Variants in TNRC6A observed in about 807,000 individuals in gnomAD.
TNRC6A encodes the protein trinucleotide repeat-containing gene 6A protein.
A neutral mutation model predicts 221.2 loss-of-function variants in TNRC6A; 44 were observed. The observed-to-expected ratio is 0.20, with a 90% CI of 0.16 to 0.26. TNRC6A has a LOEUF of 0.26. Ranked by LOEUF, TNRC6A falls within the 10% of genes least tolerant of loss-of-function variation. The pLI, the probability that TNRC6A is intolerant of heterozygous loss-of-function variation, is 1.00. For missense variants in TNRC6A, 2,199 were observed against 2,404.4 expected (o/e 0.91, Z 1.79); for synonymous variants, 847 against 838.5 (o/e 1.01, Z -0.18).
At chr16:24,751,278 G>A (rs1049128802) in intron 3 of TNRC6A, among the ~76,000 whole-genome samples, 4 of 152,078 alleles carry the variant, frequency 2.6e-5, no homozygotes, top group Non-Finnish European at 5.9e-5. Context: ...TACAGAAATA[G>A]AGTATTAAAG....
intron 1 of TNRC6A, among the ~76,000 whole-genome samples, chr16:24,626,954 T>G (rs1289840366): frequency 5.2e-5 from 2 of 38,608 alleles, no homozygotes; most frequent in Non-Finnish European, 8.1e-5. Context: ...GCCCAGCCTG[T>G]TTTTTTTTTT....
rs2056565927 is a variant in TNRC6A, at chr16:24,729,684, T to TGTCGGCGGCGG, written c.-158_-157insGTCGGCGGCGG. The TGTCGGCGGCGG allele has an allele frequency of 1.7e-6, 1 of 603,100 alleles. No homozygotes were observed. Among genetic ancestry groups the TGTCGGCGGCGG allele is most frequent in the Non-Finnish European group, 2.4e-6 (1 of 421,930 alleles). 37.4% of individuals were successfully genotyped at this position (603,100 alleles called of 1,614,324 possible). A position where few individuals can be genotyped will look rare whatever the true frequency, so the allele number is the denominator to read the frequency against. Reference sequence around the variant, plus strand: ...TCTGGGGCCTGCGGCGGCGGCGGTGTCGGCGGCGGCGGCGGCGGCGGCGGC... The same window carrying TGTCGGCGGCGG: ...TCTGGGGCCTGCGGCGGCGGCGGTGTGTCGGCGGCGGCGGCGGCGGCGGCGGCGGCGGCGGC... On this transcript the variant is annotated 5_prime_UTR_variant, in exon 1 of 25. Transcript: ENST00000395799.
upstream of TNRC6A, among the ~76,000 whole-genome samples, chr16:24,724,851 C>A (rs2056466839): frequency 6.6e-6 from 1 of 152,004 alleles, no homozygotes; most frequent in South Asian, 2.1e-4. Flanking sequence ...TATGCATGAG[C>A]CTTGCCTAAA....
At chr16:24,650,274 C>T (rs1902563951) in intron 2 of TNRC6A, among the ~76,000 whole-genome samples, 1 of 152,090 alleles carries the variant, frequency 6.6e-6, no homozygotes, top group South Asian at 2.1e-4. Context: ...ATGTATTTTT[C>T]TTTAGTGAAC....
At chr16:24,695,097 T>G (rs553732887) in intron 2 of TNRC6A, among the ~76,000 whole-genome samples, 1 of 152,262 alleles carries the variant, frequency 6.6e-6, no homozygotes, top group African/African-American at 2.4e-5. Flanking sequence ...GGGAGTGTAC[T>G]GGGCCCTGTG....
At chr16:24,663,757 G>A in intron 2 of TNRC6A, 1 of 353,990 alleles carries the variant, frequency 2.8e-6, no homozygotes, top group Non-Finnish European at 5.6e-6. Flanking sequence ...GCTTTTCTTG[G>A]GGATCAGTTA....
At chr16:24,691,897 A>G (rs1316404234) in intron 2 of TNRC6A, among the ~76,000 whole-genome samples, 1 of 152,228 alleles carries the variant, frequency 6.6e-6, no homozygotes, top group Non-Finnish European at 1.5e-5. Flanking sequence ...GACAGCGGCA[A>G]TTAAAGGACC....
At chr16:24,773,072 A>G (rs1040477770) in intron 4 of TNRC6A, among the ~76,000 whole-genome samples, 15 of 152,146 alleles carry the variant, frequency 9.9e-5, no homozygotes, top group African/African-American at 2.4e-5. Flanking sequence ...GCCTTGGATT[A>G]TATAGATTTA....
chr16:24,695,454 C>T (rs2055838884), intron 2 of TNRC6A, among the ~76,000 whole-genome samples: 1 of 152,104 alleles, frequency 6.6e-6, no homozygotes, highest in Non-Finnish European at 1.5e-5. Flanking sequence ...GGCTGGAGTA[C>T]AGTGGCGCAA....
At position 24,688,871 on chromosome 16, in the gene TNRC6A, A is replaced by G. The variant is rs112558801; in HGVS notation, n.402+47862A>G. Among the ~76,000 whole-genome samples, 595 of 152,324 alleles carry G rather than the reference A, an allele frequency of 3.9e-3. 5 individuals carry two copies. Among genetic ancestry groups the G allele is most frequent in the African/African-American group, 0.013 (561 of 41,578 alleles). Reference sequence around the variant, plus strand: ...CTTTATGGATACAATGAATTTCCACATTGGTTAAACCAGTTAGAGGTACGT... The same window carrying G: ...CTTTATGGATACAATGAATTTCCACGTTGGTTAAACCAGTTAGAGGTACGT... On this transcript the variant is annotated intron_variant and non_coding_transcript_variant, in intron 2 of 2. Transcript: ENST00000566108.
intron 1 of TNRC6A, among the ~76,000 whole-genome samples, chr16:24,633,030 C>G (rs148211588): frequency 6.6e-6 from 1 of 151,174 alleles, no homozygotes; most frequent in Non-Finnish European, 1.5e-5. Flanking sequence ...AAAAAAAATC[C>G]AGACTTCTCA....
At chr16:24,786,614 A>C (rs1314175899) in intron 5 of TNRC6A, among the ~76,000 whole-genome samples, 2 of 152,104 alleles carry the variant, frequency 1.3e-5, no homozygotes, top group African/African-American at 4.8e-5. Context: ...ACGCCTGGCC[A>C]GTACAGAGTA....
chr16:24,714,758 C>T (rs1350326034), intron 2 of TNRC6A, among the ~76,000 whole-genome samples: 2 of 152,008 alleles, frequency 1.3e-5, no homozygotes, highest in Non-Finnish European at 2.9e-5. Context: ...GTCTTGATGT[C>T]CTTTTCTTCT....
At chr16:24,686,648 A>G (rs1229354577) in intron 2 of TNRC6A, among the ~76,000 whole-genome samples, 1 of 152,226 alleles carries the variant, frequency 6.6e-6, no homozygotes, top group Non-Finnish European at 1.5e-5. Context: ...CTGAAGAAGC[A>G]GAGAATAGAT....
chr16:24,758,796 T>A (rs2057303993), intron 4 of TNRC6A, among the ~76,000 whole-genome samples: 1 of 152,098 alleles, frequency 6.6e-6, no homozygotes, highest in Non-Finnish European at 1.5e-5. Flanking sequence ...GATAGTGACA[T>A]CCATCTCTGT....
chr16:24,659,674 C>T (rs1474430336), intron 2 of TNRC6A, among the ~76,000 whole-genome samples: 1 of 152,158 alleles, frequency 6.6e-6, no homozygotes, highest in Non-Finnish European at 1.5e-5. Context: ...AACTCCTGGG[C>T]TCAAGCAATC....
chr16:24,624,467 CGTTTGTTTGTTT>C (rs3042537), intron 1 of TNRC6A, among the ~76,000 whole-genome samples: 1 of 151,150 alleles, frequency 6.6e-6, no homozygotes, highest in East Asian at 1.9e-4. Flanking sequence ...TGCTAAGGAC[CGTTTGTTTGTTT>C]GTTTGTTTGT....
chr16:24,807,349 C>T (rs1012313035), intron 17 of TNRC6A, among the ~76,000 whole-genome samples: 2 of 152,170 alleles, frequency 1.3e-5, no homozygotes, highest in African/African-American at 4.8e-5. Flanking sequence ...GTTTAAAGTG[C>T]ATTAGAATAA....
At position 24,818,033 on chromosome 16, in the gene TNRC6A, A is replaced by G. The variant is rs941617763; in HGVS notation, c.4973-560A>G. On this transcript the variant is annotated intron_variant, in intron 20 of 24. Transcript: ENST00000395799. ...GATTGGGTTGGGAGACAAGCCAGGG[A>G]ACTGGTGTAGTAATCCAGATGGTGG... is the stretch of plus-strand genomic sequence containing the variant. Among the ~76,000 whole-genome samples, 33 of 152,184 alleles carry G rather than the reference A, an allele frequency of 2.2e-4. 1 individual carries two copies. The highest frequency in any genetic ancestry group is 7.0e-4 in the African/African-American group (29 of 41,434).
Sources: allele counts gnomAD v4.1 joint callset (sites outside exome capture counted in the v4.1 genomes callset), GRCh38; gene constraint gnomAD v4.1.1; transcripts MANE v1.5; gene names NCBI Gene and HGNC (gene_info 2026-07-23, HGNC 2026-07-21).